Variants in STARD6 observed in about 807,000 individuals in gnomAD.
The protein encoded by STARD6 is StAR related lipid transfer domain containing 6.
STARD6 carries 21 observed loss-of-function variants against 22.3 expected under a neutral mutation model. The observed-to-expected ratio is 0.94, with a 90% CI of 0.67 to 1.35. The LOEUF (loss-of-function observed/expected upper bound fraction) is 1.35. STARD6 is among the 40% of genes most tolerant of loss of function. The pLI is 0.00. For missense variants in STARD6, 269 were observed against 266.9 expected (o/e 1.01, Z -0.05); for synonymous variants, 80 against 88.1 (o/e 0.91, Z 0.52).
At chr18:54,343,927 C>T (rs1296406384) in intron 4 of STARD6, among the ~76,000 whole-genome samples, 1 of 42,582 alleles carries the variant, frequency 2.3e-5, no homozygotes. Context: ...CCCGGCCAGC[C>T]GCCCCGTCCG....
intron 7 of STARD6, among the ~76,000 whole-genome samples, chr18:54,327,540 TC>T: frequency 6.6e-6 from 1 of 152,300 alleles, no homozygotes; most frequent in East Asian, 1.9e-4. Flanking sequence ...ATGGTGGGTT[TC>T]AAGTTATGGT....
rs999842365 is a variant in STARD6, at chr18:54,324,878, G to A, written c.480-3C>T. 3 of 1,514,394 alleles carry A rather than the reference G, an allele frequency of 2.0e-6. No homozygotes were observed. Among genetic ancestry groups the A allele is most frequent in the East Asian group, 2.4e-5 (1 of 41,632 alleles). The allele number at this position is 1,514,394 out of a possible 1,614,324, so 93.8% of individuals were successfully genotyped here. On this transcript the variant is annotated splice_region_variant and splice_polypyrimidine_tract_variant and intron_variant, in intron 7 of 7. Transcript: ENST00000307844. ...CTAGTTTGGAATATGCTGGGTTTCT[G>A]TAAGCAAAAGAAGAGTTAAAAAAAG...
At chr18:54,336,177 C>G (rs2088910177) in intron 5 of STARD6, among the ~76,000 whole-genome samples, 1 of 152,154 alleles carries the variant, frequency 6.6e-6, no homozygotes, top group African/African-American at 2.4e-5. Flanking sequence ...TTTATTCTCT[C>G]TCTTTATATC....
intron 4 of STARD6, among the ~76,000 whole-genome samples, chr18:54,346,041 G>T (rs2089030622): frequency 6.6e-6 from 1 of 152,076 alleles, no homozygotes. Context: ...AGCAACACAA[G>T]TAACACAACA....
At chr18:54,354,702 T>C (rs1392777839) in intron 2 of STARD6, 125 bp from the exon 3 acceptor site, 2 of 662,046 alleles carry the variant, frequency 3.0e-6, no homozygotes, top group Non-Finnish European at 5.2e-6. Flanking sequence ...AATTACTTGA[T>C]GAATGCATGT....
At chr18:54,330,877 T>C (rs2088859690) in intron 6 of STARD6, among the ~76,000 whole-genome samples, 1 of 152,118 alleles carries the variant, frequency 6.6e-6, no homozygotes. Flanking sequence ...TGTGCCCTCA[T>C]TTCAAAAATG....
rs757718169 is a variant in STARD6 at position 54,354,040 on chromosome 18, A to C, written c.140+14T>G. On this transcript the variant is annotated intron_variant, in intron 4 of 7. Transcript: ENST00000307844. Reference sequence around the variant, plus strand: ...AATTTAAAACAGTAATTGTAAATAGAAGATTGTACTCACAGATTTCCATGG... The same window carrying C: ...AATTTAAAACAGTAATTGTAAATAGCAGATTGTACTCACAGATTTCCATGG... 51 of 1,521,892 alleles carry C rather than the reference A, an allele frequency of 3.4e-5. No homozygotes were observed. The highest frequency in any genetic ancestry group is 4.4e-5 in the Non-Finnish European group (49 of 1,119,900). 94.3% of individuals were successfully genotyped at this position (1,521,892 alleles called of 1,614,324 possible).
intron 7 of STARD6, among the ~76,000 whole-genome samples, chr18:54,326,610 G>A (rs1468280083): frequency 1.3e-5 from 2 of 151,154 alleles, no homozygotes; most frequent in Non-Finnish European, 2.9e-5. Flanking sequence ...GGGATTACAG[G>A]TGTGAGCCAC....
At chr18:54,352,089 A>G (rs1033791658) in intron 4 of STARD6, among the ~76,000 whole-genome samples, 1 of 150,940 alleles carries the variant, frequency 6.6e-6, no homozygotes, top group African/African-American at 2.4e-5. Context: ...TTTTGTTGGC[A>G]ATTTAAAAAA....
chr18:54,338,402 T>A (rs1217760822), intron 4 of STARD6, among the ~76,000 whole-genome samples: 1 of 152,146 alleles, frequency 6.6e-6, no homozygotes. Flanking sequence ...AAATGGCTTA[T>A]GTTGACCAAG....
chr18:54,351,910 T>TTTG (rs1170600324), intron 4 of STARD6, among the ~76,000 whole-genome samples: 1 of 149,616 alleles, frequency 6.7e-6, no homozygotes, highest in African/African-American at 2.5e-5. Context: ...TTTTTTTTTT[T>TTTG]TTTTTTTTTT....
At chr18:54,326,520 T>TG (rs1249935895) in intron 7 of STARD6, among the ~76,000 whole-genome samples, 1 of 151,332 alleles carries the variant, frequency 6.6e-6, no homozygotes, top group East Asian at 1.9e-4. Flanking sequence ...TTGGTAGAGA[T>TG]GGGGTTTCAC....
chr18:54,327,073 T>A (rs1216041611), intron 7 of STARD6, among the ~76,000 whole-genome samples: 1 of 152,228 alleles, frequency 6.6e-6, no homozygotes, highest in African/African-American at 2.4e-5. Context: ...TTGGGCATAG[T>A]CACACTACCT....
At chr18:54,349,466 G>C (rs562163636) in intron 4 of STARD6, among the ~76,000 whole-genome samples, 62 of 152,264 alleles carry the variant, frequency 4.1e-4, no homozygotes, top group Non-Finnish European at 7.6e-4. Flanking sequence ...AGAGAGGTAA[G>C]TGGGGCCCAG....
At chr18:54,348,159 C>T (rs1599309120) in intron 4 of STARD6, among the ~76,000 whole-genome samples, 2 of 152,248 alleles carry the variant, frequency 1.3e-5, no homozygotes, top group South Asian at 4.1e-4. Context: ...ACTGCCCAGT[C>T]TCAGGTATGT....
chr18:54,345,262 G>A (rs2089023921), intron 4 of STARD6, among the ~76,000 whole-genome samples: 1 of 151,752 alleles, frequency 6.6e-6, no homozygotes, highest in Admixed American at 6.6e-5. Context: ...AAGTAATTCA[G>A]AAAACAATTC....
At chr18:54,343,354 C>T (rs1160325635) in intron 4 of STARD6, among the ~76,000 whole-genome samples, 5 of 144,420 alleles carry the variant, frequency 3.5e-5, no homozygotes, top group Admixed American at 1.3e-4. Flanking sequence ...GCAGCCACCC[C>T]GTCCGGGAGG....
chr18:54,351,693 A>C (rs2089097693), intron 4 of STARD6, among the ~76,000 whole-genome samples: 1 of 152,132 alleles, frequency 6.6e-6, no homozygotes, highest in African/African-American at 2.4e-5. Flanking sequence ...TTCTGCATCT[A>C]TTGAGATGAT....
At chr18:54,336,177 CTCTT>C (rs774548325) in intron 5 of STARD6, among the ~76,000 whole-genome samples, 6 of 152,154 alleles carry the variant, frequency 3.9e-5, no homozygotes, top group African/African-American at 7.2e-5. Flanking sequence ...TTTATTCTCT[CTCTT>C]TATATCTATT....
Sources: allele counts gnomAD v4.1 joint callset (sites outside exome capture counted in the v4.1 genomes callset), GRCh38; gene constraint gnomAD v4.1.1; transcripts MANE v1.5; gene names NCBI Gene and HGNC (gene_info 2026-07-23, HGNC 2026-07-21).